The following ADAP1 variants were observed in gnomAD, a reference collection of about 807,000 sequenced individuals.
The protein encoded by ADAP1 is ArfGAP with dual PH domains 1, also known as arf-GAP with dual PH domain-containing protein 1.
ADAP1 carries 31 observed loss-of-function variants against 54.9 expected under a neutral mutation model. The ratio of observed to expected loss-of-function variants is 0.56; its 90% CI spans 0.42 to 0.76. The LOEUF (loss-of-function observed/expected upper bound fraction) is 0.76, where lower values mean the gene tolerates loss of function less well. Among genes scored for constraint, ADAP1 ranks in the 30% least tolerant of loss-of-function variants. The pLI, the probability that ADAP1 is intolerant of heterozygous loss-of-function variation, is 0.00. For synonymous variants in ADAP1, 313 were observed against 202.6 expected, an observed-to-expected ratio of 1.55 and a Z score of -4.63; for missense variants, 535 against 512.4, an observed-to-expected ratio of 1.04 and a Z score of -0.42.
At chr7:910,636 T>G (rs1845685512) in intron 4 of ADAP1, among the ~76,000 whole-genome samples, 1 of 152,184 alleles carries the variant, frequency 6.6e-6, no homozygotes, top group African/African-American at 2.4e-5. Context: ...CTCACGTATG[T>G]GATTTATATG....
chr7:912,403 G>A (rs2128101423), intron 4 of ADAP1, among the ~76,000 whole-genome samples: 1 of 152,282 alleles, frequency 6.6e-6, no homozygotes, highest in East Asian at 1.9e-4. Flanking sequence ...GGGCAAGTCT[G>A]GCTCAGACAC....
At chr7:904,378 G>C (rs972591710) in intron 5 of ADAP1, 106 bp from the exon 6 acceptor site, 8 of 1,422,540 alleles carry the variant, frequency 5.6e-6, no homozygotes, top group Admixed American at 4.9e-5. Flanking sequence ...GCTGTGCTGT[G>C]TGGCTTTGGG....
At chr7:909,934 G>A (rs1370998672) in intron 4 of ADAP1, among the ~76,000 whole-genome samples, 4 of 152,212 alleles carry the variant, frequency 2.6e-5, no homozygotes, top group Non-Finnish European at 4.4e-5. Flanking sequence ...CCACCTGTGG[G>A]GAGCTGGGTC....
chr7:898,645 G>A lies in ADAP1; in HGVS notation c.*276C>T, dbSNP rs77474447. 26,244 of 520,742 alleles carry A rather than the reference G, an allele frequency of 0.05. 3,245 individuals are homozygous for A. The highest frequency in any genetic ancestry group is 0.32 in the East Asian group (9,235 of 28,912). 32.3% of individuals were successfully genotyped at this position (520,742 alleles called of 1,614,324 possible). ...TCGGGAGCCAGACTGGGCCCTGGAG[G>A]AAAGGGGGCCCCGGGTCAGGGAGGG... On this transcript the variant is annotated 3_prime_UTR_variant, in exon 11 of 11. Coordinates refer to ENST00000265846, the MANE Select transcript of ADAP1 (RefSeq NM_006869.4).
intron 4 of ADAP1, among the ~76,000 whole-genome samples, chr7:908,102 G>C (rs1226188830): frequency 6.6e-6 from 1 of 152,148 alleles, no homozygotes; most frequent in East Asian, 1.9e-4. Context: ...TGGGAGCCCC[G>C]GTCATCTGAG....
At chr7:902,332 C>G (rs1223454341) in intron 6 of ADAP1, among the ~76,000 whole-genome samples, 3 of 149,338 alleles carry the variant, frequency 2.0e-5, no homozygotes, top group Non-Finnish European at 4.4e-5. Context: ...GTGGCGCATG[C>G]CTGTAATCCC....
At chr7:927,593 C>G in intron 2 of ADAP1, 1 of 425,814 alleles carries the variant, frequency 2.3e-6, no homozygotes, top group Middle Eastern at 3.4e-4. Context: ...CCCAGAAGAG[C>G]AGCTGGAGAA....
chr7:924,649 C>A (rs927420861), intron 3 of ADAP1, among the ~76,000 whole-genome samples: 2 of 151,062 alleles, frequency 1.3e-5, no homozygotes, highest in East Asian at 2.0e-4. Flanking sequence ...GGGATTCACA[C>A]CCCACCCCAG....
rs1664521113 is a variant in ADAP1 at position 954,660 on chromosome 7, C to T, written c.-183G>A. 4 of 982,438 alleles carry T rather than the reference C, an allele frequency of 4.1e-6. No individual in the cohort carries two copies. The allele number at this position is 982,438 out of a possible 1,614,324, so 60.9% of individuals were successfully genotyped here. ...GCTCCGCCGCCGCCGCTCGTGTCTC[C>T]GCCGCGGTCGCTGAGCGAGTGCCGG... On this transcript the variant is annotated 5_prime_UTR_variant, in exon 1 of 11. Coordinates refer to ENST00000265846, the MANE Select transcript of ADAP1 (RefSeq NM_006869.4).
Position 913,345 on chromosome 7 carries a change from C to T in ADAP1, c.388+6623G>A, listed in dbSNP as rs1293108552. ...CCTCCCAAGTAGCTGGGACTACAGG[C>T]GCCCGCCACCACACCCAGCTAATTT... is the stretch of plus-strand genomic sequence containing the variant. On this transcript the variant is annotated intron_variant, in intron 4 of 10. Transcript: ENST00000265846. 2.6e-5 allele frequency among the ~76,000 whole-genome samples: 4 copies of T among 152,052 alleles called. 1 individual carries two copies. The highest frequency in any genetic ancestry group is 4.2e-4 in the South Asian group (2 of 4,812).
At chr7:936,216 A>ATTTTTTTTTT (rs57738487) in intron 1 of ADAP1, among the ~76,000 whole-genome samples, 233 of 151,420 alleles carry the variant, frequency 1.5e-3, no homozygotes, top group African/African-American at 5.2e-3. Context: ...AGGGAGCAGA[A>ATTTTTTTTTT]TTTTTTTTGA....
chr7:910,085 G>A (rs781083341), intron 4 of ADAP1, among the ~76,000 whole-genome samples: 19 of 152,118 alleles, frequency 1.2e-4, no homozygotes, highest in Non-Finnish European at 2.5e-4. Flanking sequence ...ACAGGCGCCC[G>A]ACTGTGGGCG....
In ADAP1 at chr7:954,491, CCG is replaced by C; in HGVS notation, c.-16_-15del. Reference sequence around the variant, plus strand: ...CTCCTTGGCCATGGCCGCGATGCGCCCGCGATGCCGATGCCGGGGCCGGGGCC... The same window carrying C: ...CTCCTTGGCCATGGCCGCGATGCGCCCGATGCCGATGCCGGGGCCGGGGCC... On this transcript the variant is annotated 5_prime_UTR_variant, in exon 1 of 11. Coordinates refer to ENST00000265846, the MANE Select transcript of ADAP1 (RefSeq NM_006869.4). 1 of 1,019,882 alleles carries C rather than the reference CCG, an allele frequency of 9.8e-7. No individual in the cohort carries two copies. Among genetic ancestry groups the C allele is most frequent in the Non-Finnish European group, 1.2e-6 (1 of 854,492 alleles). The allele number at this position is 1,019,882 out of a possible 1,614,324, so 63.2% of individuals were successfully genotyped here.
chr7:922,714 G>A lies in ADAP1; in HGVS notation c.306-2664C>T, dbSNP rs190473746. On this transcript the variant is annotated intron_variant, in intron 3 of 10. Transcript: ENST00000265846. ...GCGAAAGTGACCCCCCAGGGCCCCCGGCTTTGCTTCTACGTGGTGGACCAG... is the reference window on the plus strand; with the variant it reads ...GCGAAAGTGACCCCCCAGGGCCCCCAGCTTTGCTTCTACGTGGTGGACCAG... 3.6e-4 allele frequency among the ~76,000 whole-genome samples: 55 copies of A among 152,184 alleles called. No homozygotes were observed. The East Asian group carries it at 9.8e-3, about 27-fold the overall frequency.
rs1430301231 is a variant in ADAP1 at position 935,501 on chromosome 7, G to A, written c.87C>T (p.Pro29=). The change falls in exon 2 of 11, where the codon CCC becomes CCT. Residue 29 remains proline (P), a synonymous_variant. Coordinates refer to ENST00000265846, the MANE Select transcript of ADAP1 (RefSeq NM_006869.4). ...CGCCCAGAGTGTAGGAGGCCCAGTC[G>A]GGATCTGCAAGGGAAAGCCGGACGT... ...ARCADCGAPD[P]DWASYTLGVF... The A allele has an allele frequency of 6.4e-7, 1 of 1,563,272 alleles. No individual in the cohort carries two copies. The highest frequency in any genetic ancestry group is 8.7e-7 in the Non-Finnish European group (1 of 1,154,128).
At chr7:914,965 C>T (rs780242962) in intron 4 of ADAP1, among the ~76,000 whole-genome samples, 2 of 145,356 alleles carry the variant, frequency 1.4e-5, no homozygotes, top group Non-Finnish European at 3.0e-5. Context: ...CAGGGCCATA[C>T]GACTCAGCAC....
At position 945,629 on chromosome 7, in the gene ADAP1, G is replaced by C; in HGVS notation, c.82+8767C>G. On this transcript the variant is annotated intron_variant, in intron 1 of 10. Transcript: ENST00000265846. This position sits in a 1 kb window ranked among gnomAD's most constrained non-coding sequence, Gnocchi z 4.2. ...AGGCCCTGAGTGCCAGGTAGGGAGG[G>C]GCAGGCCCAAGACTCCAGCCCCCAC... 1 of 620,314 alleles carries C rather than the reference G, an allele frequency of 1.6e-6. No individual in the cohort carries two copies. The highest frequency in any genetic ancestry group is 7.1e-5 in the South Asian group (1 of 14,156). 38.4% of individuals were successfully genotyped at this position (620,314 alleles called of 1,614,324 possible). A position where few individuals can be genotyped will look rare whatever the true frequency, so the allele number is the denominator to read the frequency against.
At chr7:909,025 G>A (rs941036810) in intron 4 of ADAP1, among the ~76,000 whole-genome samples, 3 of 151,998 alleles carry the variant, frequency 2.0e-5, no homozygotes, top group African/African-American at 7.3e-5. Context: ...GCAGTGCTCC[G>A]GAAGCGCGCA....
chr7:911,580 ACGGAGGGCCAGGAAGGGGGCGGGGG>A (rs1845725363), intron 4 of ADAP1, among the ~76,000 whole-genome samples: 4 of 145,754 alleles, frequency 2.7e-5, no homozygotes, highest in Non-Finnish European at 6.1e-5. Flanking sequence ...CGGGGGTCCC[ACGGAGGGCCAGGAAGGGGGCGGGGG>A]TCCCACGGAG....
Sources: gnomAD v4.1 joint callset for allele counts (sites outside exome capture counted in the v4.1 genomes callset) on GRCh38, gnomAD v4.1.1 for gene constraint, Gnocchi (gnomAD v3.1) non-coding constraint, MANE v1.5 for transcripts, NCBI Gene and HGNC (gene_info 2026-07-23, HGNC 2026-07-21) for gene names.